PHTF2: variants seen among roughly 807,000 people sequenced by gnomAD.
The protein encoded by PHTF2 is putative homeodomain transcription factor 2.
A neutral mutation model predicts 101.2 loss-of-function variants in PHTF2; 60 were observed. That is an observed-to-expected ratio of 0.59 (90% confidence interval 0.48 to 0.73). The LOEUF is 0.73. Ranked by LOEUF, PHTF2 falls within the 30% of genes least tolerant of loss-of-function variation. The pLI is 0.00. For missense variants in PHTF2, 747 were observed against 908.7 expected (o/e 0.82, Z 2.29); for synonymous variants, 311 against 307.3 (o/e 1.01, Z -0.13).
chr7:77,897,975 C>G (rs1801026931), intron 5 of PHTF2, among the ~76,000 whole-genome samples: 1 of 150,904 alleles, frequency 6.6e-6, no homozygotes, highest in African/African-American at 2.4e-5. Flanking sequence ...AACCACCTTA[C>G]CTGGCCTTCT....
chr7:77,802,711 T>A (rs1792654044), intron 1 of PHTF2, among the ~76,000 whole-genome samples: 2 of 152,148 alleles, frequency 1.3e-5, no homozygotes, highest in Admixed American at 6.5e-5. Context: ...ATGTTTTAAT[T>A]TTTATTTTTT....
At chr7:77,947,833 C>CTTTATTTTTTT (rs1428512079) in intron 16 of PHTF2, among the ~76,000 whole-genome samples, 1 of 43,208 alleles carries the variant, frequency 2.3e-5, no homozygotes. Flanking sequence ...TTTCTTTTTT[C>CTTTATTTTTTT]TTTCTTTTTT....
At chr7:77,932,586 A>AAG (rs1218067989) in intron 12 of PHTF2, among the ~76,000 whole-genome samples, 1 of 132,938 alleles carries the variant, frequency 7.5e-6, no homozygotes, top group South Asian at 2.5e-4. Context: ...GAGAAAGAGG[A>AAG]AGAGAGAGAG....
chr7:77,913,353 A>T (rs1802585783), intron 9 of PHTF2, among the ~76,000 whole-genome samples: 1 of 150,880 alleles, frequency 6.6e-6, no homozygotes, highest in Non-Finnish European at 1.5e-5. Context: ...GTGCCACTGC[A>T]TTCCAGCCTG....
chr7:77,896,467 T>C (rs1205883088), intron 5 of PHTF2, among the ~76,000 whole-genome samples: 4 of 152,098 alleles, frequency 2.6e-5, no homozygotes, highest in Non-Finnish European at 5.9e-5. Context: ...ACCAGGAGGA[T>C]CACTTGAGCC....
intron 3 of PHTF2, among the ~76,000 whole-genome samples, chr7:77,874,991 A>G (rs1339170711): frequency 6.6e-6 from 1 of 152,176 alleles, no homozygotes; most frequent in East Asian, 1.9e-4. Context: ...TGTCTATTTT[A>G]TGCCAGGCCC....
In PHTF2 at chr7:77,856,088, G is replaced by GT. The variant is rs1305177644; in HGVS notation, c.147+1262dup. On this transcript the variant is annotated intron_variant, in intron 3 of 19. Transcript: ENST00000416283. ...ATAACCTAAATATGATTTCTTGAAA[G>GT]TTTTTTTTACCAGGTGTGATGTTGC... 5.9e-5 allele frequency among the ~76,000 whole-genome samples: 9 copies of GT among 152,040 alleles called. 1 individual carries two copies. The highest frequency in any genetic ancestry group is 4.2e-4 in the South Asian group (2 of 4,808).
At chr7:77,937,654 A>G (rs1805262216) in intron 12 of PHTF2, 56 bp from the exon 12 acceptor site, 1 of 641,016 alleles carries the variant, frequency 1.6e-6, no homozygotes, top group South Asian at 4.1e-5. Flanking sequence ...TTATATACAC[A>G]CATTTTATTT....
At chr7:77,942,843 A>G (rs1368529106) in intron 16 of PHTF2, 57 bp downstream of exon 15, 1 of 790,546 alleles carries the variant, frequency 1.3e-6, no homozygotes, top group Non-Finnish European at 2.0e-6. Context: ...TAACTTTCAG[A>G]TTAATAAATA....
chr7:77,820,026 A>G (rs1387569428), intron 1 of PHTF2, among the ~76,000 whole-genome samples: 1 of 152,124 alleles, frequency 6.6e-6, no homozygotes, highest in African/African-American at 2.4e-5. Context: ...AGTAGCTGGA[A>G]TTACAGGCAT....
chr7:77,853,575 G>A (rs537054530), intron 2 of PHTF2, among the ~76,000 whole-genome samples: 12 of 151,890 alleles, frequency 7.9e-5, no homozygotes, highest in Non-Finnish European at 1.8e-4. Context: ...TTGTATTTTA[G>A]TAGAGACAGG....
At chr7:77,947,688 G>T (rs748963300) in intron 16 of PHTF2, among the ~76,000 whole-genome samples, 1 of 151,936 alleles carries the variant, frequency 6.6e-6, no homozygotes, top group African/African-American at 2.4e-5. Context: ...TAAACAGAAT[G>T]CTTTGTTTAT....
chr7:77,800,995 C>T (rs1792496689), intron 1 of PHTF2, among the ~76,000 whole-genome samples: 1 of 152,134 alleles, frequency 6.6e-6, no homozygotes. Flanking sequence ...TAGTAGGAGA[C>T]TACTCAGTGG....
At chr7:77,918,372 C>T (rs1445239754) in intron 9 of PHTF2, among the ~76,000 whole-genome samples, 6 of 152,124 alleles carry the variant, frequency 3.9e-5, no homozygotes, top group Admixed American at 3.3e-4. Context: ...AAATAAATTT[C>T]TCTTCTTGCA....
At chr7:77,893,347 T>G (rs1318153737) in intron 3 of PHTF2, among the ~76,000 whole-genome samples, 3 of 152,194 alleles carry the variant, frequency 2.0e-5, no homozygotes, top group Non-Finnish European at 4.4e-5. Context: ...GCCTCACTCT[T>G]GTATTTCTGA....
At chr7:77,923,202 C>A (rs2150921096) in intron 11 of PHTF2, 10 of 920,138 alleles carry the variant, frequency 1.1e-5, no homozygotes, top group Non-Finnish European at 1.3e-5. Flanking sequence ...GTTCTTTTTT[C>A]TTTGTTTCTA....
chr7:77,908,246 G>T (rs1041355052), intron 7 of PHTF2, among the ~76,000 whole-genome samples: 1 of 152,204 alleles, frequency 6.6e-6, no homozygotes, highest in Non-Finnish European at 1.5e-5. Flanking sequence ...TTTATGTCCA[G>T]AAAGTCTAAG....
At chr7:77,926,789 C>T (rs1010831427) in intron 11 of PHTF2, among the ~76,000 whole-genome samples, 1 of 150,158 alleles carries the variant, frequency 6.7e-6, no homozygotes, top group Non-Finnish European at 1.5e-5. Flanking sequence ...TGCAACATGG[C>T]GAAACTCCAT....
exon 12 of PHTF2, chr7:77,929,316 C>T (rs1168206579): frequency 1.3e-6 from 2 of 1,584,570 alleles, no homozygotes; most frequent in Non-Finnish European, 1.7e-6. Flanking sequence ...TAGAGATGAC[C>T]CTTTTCATCA....
Sources: allele counts gnomAD v4.1 joint callset (sites outside exome capture counted in the v4.1 genomes callset), GRCh38; gene constraint gnomAD v4.1.1; transcripts MANE v1.5; gene names NCBI Gene and HGNC (gene_info 2026-07-23, HGNC 2026-07-21).